ITFG1: variants seen among roughly 807,000 people sequenced by gnomAD.
ITFG1 encodes T-cell immunomodulatory protein.
ITFG1 carries 34 observed loss-of-function variants against 81.8 expected under a neutral mutation model. The ratio of observed to expected loss-of-function variants is 0.42; its 90% CI spans 0.32 to 0.55. The LOEUF is 0.55. Ranked by LOEUF, ITFG1 falls within the 20% of genes least tolerant of loss-of-function variation. ITFG1 has a pLI of 0.17. For missense variants in ITFG1, 672 were observed against 755.4 expected (o/e 0.89, Z 1.29); for synonymous variants, 285 against 270.6 (o/e 1.05, Z -0.52).
intron 10 of ITFG1, among the ~76,000 whole-genome samples, chr16:47,287,496 G>A (rs894117016): frequency 3.3e-5 from 5 of 152,122 alleles, no homozygotes; most frequent in Middle Eastern, 3.2e-3. Flanking sequence ...GACCTCCTGG[G>A]CTCAAGCGAT....
intron 6 of ITFG1, among the ~76,000 whole-genome samples, chr16:47,424,916 G>A (rs901188888): frequency 6.6e-6 from 1 of 152,156 alleles, no homozygotes; most frequent in African/African-American, 2.4e-5. Context: ...AGGAGGCAGT[G>A]TGTCCGTTCT....
chr16:47,410,706 C>T (rs148415566), intron 6 of ITFG1, among the ~76,000 whole-genome samples: 156 of 152,246 alleles, frequency 1.0e-3, no homozygotes, highest in Non-Finnish European at 1.5e-3. Context: ...GCTCTCAACA[C>T]GAACCTCTCG....
chr16:47,236,768 G>A (rs1282344968), intron 13 of ITFG1, among the ~76,000 whole-genome samples: 1 of 152,118 alleles, frequency 6.6e-6, no homozygotes, highest in African/African-American at 2.4e-5. Context: ...AAAGTATATG[G>A]GTTGGACCAA....
At chr16:47,174,670 A>ACCACAATGTC (rs1204903936) in intron 14 of ITFG1, among the ~76,000 whole-genome samples, 2 of 152,072 alleles carry the variant, frequency 1.3e-5, no homozygotes, top group Non-Finnish European at 2.9e-5. Context: ...AGAGGCGTAC[A>ACCACAATGTC]CCACCATGTC....
intron 17 of ITFG1, among the ~76,000 whole-genome samples, chr16:47,158,520 TAC>T (rs1341265907): frequency 6.6e-6 from 1 of 152,240 alleles, no homozygotes; most frequent in Non-Finnish European, 1.5e-5. Context: ...GCTTTATCAG[TAC>T]ATACTGAACA....
intron 14 of ITFG1, among the ~76,000 whole-genome samples, chr16:47,195,519 A>G (rs1965347858): frequency 6.6e-6 from 1 of 152,228 alleles, no homozygotes; most frequent in Non-Finnish European, 1.5e-5. Context: ...AATTAAGAAT[A>G]AGAAAAATAA....
chr16:47,424,760 G>A (rs1368917600), intron 6 of ITFG1, among the ~76,000 whole-genome samples: 2 of 152,132 alleles, frequency 1.3e-5, no homozygotes, highest in East Asian at 1.9e-4. Flanking sequence ...TATCAACAGC[G>A]AAGGCTGCAG....
chr16:47,280,284 T>C (rs148424625), intron 10 of ITFG1, among the ~76,000 whole-genome samples: 2 of 152,262 alleles, frequency 1.3e-5, no homozygotes, highest in East Asian at 1.9e-4. Flanking sequence ...TTGATGACGT[T>C]CCCTTGTATT....
chr16:47,277,252 T>A (rs1162301677), intron 10 of ITFG1, among the ~76,000 whole-genome samples: 4 of 152,222 alleles, frequency 2.6e-5, no homozygotes, highest in Non-Finnish European at 5.9e-5. Context: ...GGAAATATAA[T>A]CCATGCATTT....
chr16:47,333,915 C>A (rs968609318), intron 8 of ITFG1, among the ~76,000 whole-genome samples: 2 of 152,202 alleles, frequency 1.3e-5, no homozygotes, highest in Admixed American at 6.5e-5. Context: ...TGTGATACCA[C>A]ATTTACATGA....
chr16:47,410,102 C>T (rs1384376563), intron 6 of ITFG1, among the ~76,000 whole-genome samples: 2 of 152,040 alleles, frequency 1.3e-5, no homozygotes, highest in Non-Finnish European at 2.9e-5. Context: ...AGTGAGGCCT[C>T]GTCTCTACCA....
chr16:47,164,180 CTTTT>C (rs77652330), intron 14 of ITFG1, among the ~76,000 whole-genome samples: 2 of 136,474 alleles, frequency 1.5e-5, no homozygotes, highest in African/African-American at 5.3e-5. Context: ...TGTTTAGTGA[CTTTT>C]TTTTTTTTTT....
In ITFG1 at chr16:47,460,819, G is replaced by T; in HGVS notation, c.208+19C>A. The T allele has an allele frequency of 1.2e-6, 2 of 1,611,410 alleles. No homozygotes were observed. The highest frequency in any genetic ancestry group is 1.7e-4 in the Middle Eastern group (1 of 6,046). On this transcript the variant is annotated intron_variant, in intron 1 of 17. Coordinates refer to ENST00000320640, the MANE Select transcript of ITFG1 (RefSeq NM_030790.5). The stretch of plus-strand genomic sequence containing the variant: ...GGCACACGGACAGCGAACAGAGGGA[G>T]GGCCCGGCAAGCACTGACTTTCCCG...
At chr16:47,354,329 T>A (rs1431794809) in intron 8 of ITFG1, among the ~76,000 whole-genome samples, 1 of 152,120 alleles carries the variant, frequency 6.6e-6, no homozygotes, top group African/African-American at 2.4e-5. Flanking sequence ...TAAATGGTGT[T>A]GGGAAAATTG....
intron 12 of ITFG1, among the ~76,000 whole-genome samples, chr16:47,251,986 T>C (rs542833622): frequency 6.6e-6 from 1 of 152,178 alleles, no homozygotes; most frequent in Non-Finnish European, 1.5e-5. Context: ...AATAGAGCAA[T>C]GTTTATAAAA....
intron 14 of ITFG1, among the ~76,000 whole-genome samples, chr16:47,198,626 T>C (rs1006685259): frequency 6.6e-6 from 1 of 152,170 alleles, no homozygotes; most frequent in African/African-American, 2.4e-5. Flanking sequence ...TCAGTAGGTA[T>C]TCCAGAAGAA....
intron 14 of ITFG1, among the ~76,000 whole-genome samples, chr16:47,183,114 G>T (rs868587029): frequency 4.6e-5 from 7 of 152,238 alleles, no homozygotes; most frequent in African/African-American, 1.7e-4. Context: ...GCTCGCACCT[G>T]GCTTGGAGGG....
intron 12 of ITFG1, among the ~76,000 whole-genome samples, chr16:47,240,688 A>G (rs1965923261): frequency 6.6e-6 from 1 of 152,366 alleles, no homozygotes; most frequent in South Asian, 2.1e-4. Context: ...AATATGGTAA[A>G]TACATAAAAT....
At chr16:47,185,337 C>A (rs899210613) in intron 14 of ITFG1, among the ~76,000 whole-genome samples, 4 of 151,964 alleles carry the variant, frequency 2.6e-5, no homozygotes, top group African/African-American at 9.7e-5. Flanking sequence ...TTTTTCAGCA[C>A]CACACCACAC....
Sources: allele counts gnomAD v4.1 joint callset (sites outside exome capture counted in the v4.1 genomes callset), GRCh38; gene constraint gnomAD v4.1.1; transcripts MANE v1.5; gene names NCBI Gene and HGNC (gene_info 2026-07-23, HGNC 2026-07-21).